Variants in MKRN1 observed in about 807,000 individuals in gnomAD.
The protein encoded by MKRN1 is makorin ring finger protein 1, also known as E3 ubiquitin-protein ligase makorin-1.
Under a neutral mutation model 55.5 loss-of-function variants are expected in MKRN1, and 9 were observed. The ratio of observed to expected loss-of-function variants is 0.16; its 90% confidence interval spans 0.10 to 0.28. The LOEUF (loss-of-function observed/expected upper bound fraction) is 0.28, where lower values mean the gene tolerates loss of function less well. Ranked by LOEUF, MKRN1 falls within the 10% of genes least tolerant of loss-of-function variation. MKRN1 has a pLI of 1.00. For synonymous variants in MKRN1, 253 were observed against 235.9 expected (o/e 1.07, Z -0.66); for missense variants, 488 against 626.7 (o/e 0.78, Z 2.36).
intron 2 of MKRN1, chr7:140,460,204 G>T (rs1481088782): frequency 3.0e-6 from 1 of 337,502 alleles, no homozygotes; most frequent in Admixed American, 4.9e-5. Flanking sequence ...CCGAGATCAT[G>T]CCACTGTACT....
At chr7:140,468,777 T>C (rs1403670461) in intron 2 of MKRN1, among the ~76,000 whole-genome samples, 1 of 150,294 alleles carries the variant, frequency 6.7e-6, no homozygotes, top group African/African-American at 2.5e-5. Flanking sequence ...ATTTTCCCCC[T>C]TTTTCAGCAA....
chr7:140,459,532 A>T (rs982393745), intron 3 of MKRN1, among the ~76,000 whole-genome samples, 175 bp downstream of exon 3: 1 of 152,196 alleles, frequency 6.6e-6, no homozygotes, highest in South Asian at 2.1e-4. Flanking sequence ...TTTCACTGGG[A>T]TTAAAAATTT....
chr7:140,455,419 T>C (rs1794439600), intron 6 of MKRN1, 186 bp from the exon 7 acceptor site: 1 of 687,734 alleles, frequency 1.5e-6, no homozygotes, highest in African/African-American at 1.8e-5. Flanking sequence ...CCGGTAACTC[T>C]GTTCAAGTCT....
chr7:140,454,808 C>T, intron 7 of MKRN1, 79 bp from the exon 8 acceptor site: 3 of 1,426,688 alleles, frequency 2.1e-6, no homozygotes, highest in Non-Finnish European at 2.9e-6. Context: ...GCAAAACGTC[C>T]AGCACACCAG....
intron 5 of MKRN1, 189 bp downstream of exon 5, chr7:140,456,463 A>G (rs998115883): frequency 7.0e-6 from 10 of 1,419,982 alleles, no homozygotes; most frequent in Non-Finnish European, 9.2e-6. Flanking sequence ...CCTCATTCAA[A>G]TAAAAGTAGA....
chr7:140,472,700 T>C (rs1794969311), intron 1 of MKRN1, among the ~76,000 whole-genome samples: 1 of 151,554 alleles, frequency 6.6e-6, no homozygotes, highest in Non-Finnish European at 1.5e-5. Context: ...TGTTTTTGCA[T>C]TGTTACAACG....
In MKRN1 at chr7:140,459,919, G is replaced by A. The variant is rs1387699031; in HGVS notation, c.332C>T (p.Pro111Leu). ...GDRCRYEHSKPLKQEEATATE... is the reference protein window; with the variant it reads ...GDRCRYEHSKLLKQEEATATE... ...AGCAGTTGCTTCTTCCTGTTTCAAT[G>A]GTTTGCTATGTTCATATCTAAGAAA... Residue 111 changes from proline (P) to leucine (L), a missense_variant, in exon 3 of 8, where the codon CCA (proline) becomes CTA (leucine). Pro to Leu is a moderately conservative substitution (Grantham distance 98, BLOSUM62 -3). This residue lies in a region of MKRN1 where 210 missense variants were observed against 220.0 expected (regional missense o/e 0.95). Transcript: ENST00000255977. 1.2e-6 allele frequency: 2 copies of A among 1,613,740 alleles called. No individual in the cohort carries two copies. Among genetic ancestry groups the A allele is most frequent in the South Asian group, 1.1e-5 (1 of 91,064 alleles).
intron 1 of MKRN1, chr7:140,475,222 A>C: frequency 2.3e-6 from 1 of 442,102 alleles, no homozygotes; most frequent in Non-Finnish European, 4.5e-6. Context: ...ACGTGCCTGT[A>C]ATCCCAGCTT....
chr7:140,477,397 C>A (rs1283642853), intron 1 of MKRN1, among the ~76,000 whole-genome samples: 1 of 152,064 alleles, frequency 6.6e-6, no homozygotes, highest in African/African-American at 2.4e-5. Flanking sequence ...TATTGGCTCA[C>A]CGCAACCTCT....
intron 3 of MKRN1, 57 bp downstream of exon 3, chr7:140,459,650 A>G: frequency 6.5e-7 from 1 of 1,527,498 alleles, no homozygotes; most frequent in Non-Finnish European, 9.0e-7. Context: ...AAACTAAGCA[A>G]ATGGATGAAC....
intron 2 of MKRN1, among the ~76,000 whole-genome samples, chr7:140,464,599 G>T (rs371624854): frequency 2.0e-5 from 3 of 152,088 alleles, no homozygotes; most frequent in East Asian, 3.9e-4. Context: ...CAGCTACTCG[G>T]GAGACTGAGG....
chr7:140,462,088 C>T (rs1181131893), intron 2 of MKRN1, among the ~76,000 whole-genome samples: 7 of 152,158 alleles, frequency 4.6e-5, no homozygotes, highest in Admixed American at 2.6e-4. Context: ...AGTGCAGTAG[C>T]GTGACCTTAG....
chr7:140,469,043 T>C (rs144416485), intron 2 of MKRN1, among the ~76,000 whole-genome samples: 1 of 152,212 alleles, frequency 6.6e-6, no homozygotes, highest in East Asian at 1.9e-4. Flanking sequence ...AAATTGACTA[T>C]GACTATGGCA....
intron 1 of MKRN1, among the ~76,000 whole-genome samples, chr7:140,472,629 C>CT (rs1465028424): frequency 2.7e-5 from 4 of 150,760 alleles, no homozygotes; most frequent in African/African-American, 9.7e-5. Flanking sequence ...ACCTTGTGAT[C>CT]TGCCCACCTC....
intron 7 of MKRN1, 78 bp from the exon 8 acceptor site, chr7:140,454,807 C>T: frequency 7.0e-7 from 1 of 1,426,200 alleles, no homozygotes; most frequent in Non-Finnish European, 9.8e-7. Context: ...GGCAAAACGT[C>T]CAGCACACCA....
intron 1 of MKRN1, 138 bp from the exon 2 acceptor site, chr7:140,472,149 G>GCCACCATGCC: frequency 5.8e-6 from 7 of 1,199,604 alleles, no homozygotes; most frequent in Non-Finnish European, 6.9e-6. Flanking sequence ...GCCAGGCATG[G>GCCACCATGCC]TGGCTCATGC....
chr7:140,454,999 C>G, intron 7 of MKRN1, 96 bp downstream of exon 7: 1 of 1,509,236 alleles, frequency 6.6e-7, no homozygotes, highest in Non-Finnish European at 9.0e-7. Context: ...GCTCCCAGAC[C>G]TGAGCGTTAA....
intron 4 of MKRN1, among the ~76,000 whole-genome samples, chr7:140,458,371 A>C (rs1794525895): frequency 6.6e-6 from 1 of 152,174 alleles, no homozygotes; most frequent in Non-Finnish European, 1.5e-5. Flanking sequence ...AACCTTGAAA[A>C]CACTATGTTA....
intron 2 of MKRN1, among the ~76,000 whole-genome samples, chr7:140,469,245 GA>G (rs1337587883): frequency 6.6e-6 from 1 of 151,644 alleles, no homozygotes; most frequent in Non-Finnish European, 1.5e-5. Context: ...AGAATGGCGT[GA>G]ACCCGGGAGG....
Sources: allele counts gnomAD v4.1 joint callset (sites outside exome capture counted in the v4.1 genomes callset), GRCh38; gene constraint gnomAD v4.1.1; regional missense constraint gnomAD v4.1.1; transcripts MANE v1.5; gene names NCBI Gene and HGNC (gene_info 2026-07-23, HGNC 2026-07-21).